RGS6: variants seen among roughly 807,000 people sequenced by gnomAD.
The protein encoded by RGS6 is regulator of G-protein signaling 6.
Under a neutral mutation model 78.5 loss-of-function variants are expected in RGS6, and 30 were observed. The ratio of observed to expected loss-of-function variants is 0.38; its 90% CI spans 0.29 to 0.52. The LOEUF (loss-of-function observed/expected upper bound fraction) is 0.52, where lower values mean the gene tolerates loss of function less well. RGS6 is among the 20% of genes least tolerant of loss of function. The probability of loss-of-function intolerance (pLI) is 0.85; values close to 1 mark genes in which losing one functional copy is unlikely to be tolerated. For synonymous variants in RGS6, 206 were observed against 206.0 expected (o/e 1.00, Z 0.00); for missense variants, 495 against 609.7 (o/e 0.81, Z 1.98).
At chr14:72,569,111 GGTGTGTGT>G (rs35508602), downstream of RGS6, among the ~76,000 whole-genome samples, 6 of 137,628 alleles carry the variant, frequency 4.4e-5, no homozygotes, top group East Asian at 7.3e-4. Flanking sequence ...GATTCTCTGG[GGTGTGTGT>G]GTGTGTGTGT....
chr14:72,299,304 C>T (rs1022837433), intron 2 of RGS6, among the ~76,000 whole-genome samples: 1 of 152,134 alleles, frequency 6.6e-6, no homozygotes, highest in African/African-American at 2.4e-5. Flanking sequence ...GGCTACCACT[C>T]CTCTCTTTTC....
intron 2 of RGS6, among the ~76,000 whole-genome samples, chr14:72,203,303 AAGACCTCAG>A (rs1301495437): frequency 6.6e-6 from 1 of 152,266 alleles, no homozygotes; most frequent in Non-Finnish European, 1.5e-5. Flanking sequence ...TAGATGAATT[AAGACCTCAG>A]ACTCTGGAGA....
At chr14:72,500,253 G>A (rs2096705845) in intron 13 of RGS6, among the ~76,000 whole-genome samples, 1 of 152,168 alleles carries the variant, frequency 6.6e-6, no homozygotes, top group Non-Finnish European at 1.5e-5. Context: ...GCCTAATCTA[G>A]GATAGCTACA....
At chr14:72,347,983 A>G (rs2078381315) in intron 2 of RGS6, among the ~76,000 whole-genome samples, 1 of 152,196 alleles carries the variant, frequency 6.6e-6, no homozygotes, top group Non-Finnish European at 1.5e-5. Flanking sequence ...TGTATAGTGT[A>G]AGGGGCTAAC....
At chr14:72,135,039 C>T (rs925359546) in intron 2 of RGS6, among the ~76,000 whole-genome samples, 1 of 152,132 alleles carries the variant, frequency 6.6e-6, no homozygotes, top group Non-Finnish European at 1.5e-5. Flanking sequence ...TTTGGGTATC[C>T]CTTAACCCAG....
At chr14:72,215,243 C>G (rs917443570) in intron 2 of RGS6, among the ~76,000 whole-genome samples, 1 of 152,162 alleles carries the variant, frequency 6.6e-6, no homozygotes, top group Non-Finnish European at 1.5e-5. Context: ...GACTTCCAGC[C>G]AATCAGCCAG....
intron 2 of RGS6, among the ~76,000 whole-genome samples, chr14:72,092,810 T>G (rs2095308695): frequency 6.6e-6 from 1 of 152,208 alleles, no homozygotes. Flanking sequence ...TATTAGCACC[T>G]TAAAATAGAA....
intron 2 of RGS6, among the ~76,000 whole-genome samples, chr14:71,965,499 T>C (rs2093455322): frequency 1.3e-5 from 2 of 152,154 alleles, no homozygotes; most frequent in South Asian, 4.1e-4. Context: ...GGTGATGAGA[T>C]GTTTCAGCAA....
intron 2 of RGS6, among the ~76,000 whole-genome samples, chr14:72,103,244 A>G (rs1296709377): frequency 6.6e-6 from 1 of 152,192 alleles, no homozygotes; most frequent in Non-Finnish European, 1.5e-5. Context: ...ACTACCTTTT[A>G]AAATATCTTC....
intron 2 of RGS6, among the ~76,000 whole-genome samples, chr14:72,335,313 C>T (rs1438672550): frequency 6.6e-6 from 1 of 152,178 alleles, no homozygotes; most frequent in Non-Finnish European, 1.5e-5. Flanking sequence ...CCTTCCTTCT[C>T]CGCTACTGAC....
chr14:72,615,874 C>T, the RGS6 span, among the ~76,000 whole-genome samples: 1 of 152,238 alleles, frequency 6.6e-6, no homozygotes, highest in African/African-American at 2.4e-5. Flanking sequence ...TCAAAAATGC[C>T]TACAGGAAAC....
At chr14:72,211,754 T>G (rs2044228021) in intron 2 of RGS6, among the ~76,000 whole-genome samples, 1 of 152,164 alleles carries the variant, frequency 6.6e-6, no homozygotes, top group African/African-American at 2.4e-5. Context: ...CCTCCGAATT[T>G]AGGAAACCAT....
intron 2 of RGS6, among the ~76,000 whole-genome samples, chr14:72,227,251 TTTTCA>T (rs2048343999): frequency 6.6e-6 from 1 of 152,228 alleles, no homozygotes. Flanking sequence ...TCATTCCTTC[TTTTCA>T]TTTTAATATT....
At position 72,550,541 on chromosome 14, in the gene RGS6, G is replaced by GACA. The variant is rs1315154162; in HGVS notation, c.1422+10451_1422+10453dup. ...TGGGAAATGGAGATGGAGCATCCAA[G>GACA]ACAACACTTAACCCAACCTTGTAAT... is the stretch of plus-strand genomic sequence containing the variant. On this transcript the variant is annotated intron_variant, in intron 17 of 17. Transcript: ENST00000553525. 8.5e-6 allele frequency: 13 copies of GACA among 1,535,696 alleles called. No homozygotes were observed. In the South Asian group the frequency reaches 1.4e-4, roughly 17 times the overall value.
intron 3 of RGS6, among the ~76,000 whole-genome samples, chr14:72,431,990 G>A (rs2094668708): frequency 6.6e-6 from 1 of 152,188 alleles, no homozygotes; most frequent in Admixed American, 6.5e-5. Context: ...GTCCAAATGT[G>A]AGTGTCTTGC....
At chr14:72,415,268 G>C (rs867139857) in intron 3 of RGS6, among the ~76,000 whole-genome samples, 1 of 152,180 alleles carries the variant, frequency 6.6e-6, no homozygotes, top group Admixed American at 6.5e-5. Flanking sequence ...CCTCACTGCC[G>C]CCTTGCAGTT....
intron 3 of RGS6, among the ~76,000 whole-genome samples, chr14:72,364,021 A>AAAAAAAC (rs2082011534): frequency 1.3e-5 from 2 of 150,820 alleles, no homozygotes; most frequent in African/African-American, 4.9e-5. Context: ...AAAAAAAAAA[A>AAAAAAAC]AAAAACTCTA....
At chr14:72,286,918 G>A (rs1001611654) in intron 2 of RGS6, among the ~76,000 whole-genome samples, 1 of 152,028 alleles carries the variant, frequency 6.6e-6, no homozygotes, top group Non-Finnish European at 1.5e-5. Context: ...CAAGTAGCTG[G>A]GATTATAGGC....
chr14:72,194,515 G>A (rs1186682319), intron 2 of RGS6, among the ~76,000 whole-genome samples: 1 of 152,022 alleles, frequency 6.6e-6, no homozygotes, highest in African/African-American at 2.4e-5. Context: ...GGAACTACAG[G>A]TGATGCCACC....
Sources: allele counts gnomAD v4.1 joint callset (sites outside exome capture counted in the v4.1 genomes callset), GRCh38; gene constraint gnomAD v4.1.1; transcripts MANE v1.5; gene names NCBI Gene and HGNC (gene_info 2026-07-23, HGNC 2026-07-21).